The following RNF130 variants were observed in gnomAD, a reference collection of about 807,000 sequenced individuals.
RNF130 encodes the protein ring finger protein 130.
A neutral mutation model predicts 44.6 loss-of-function variants in RNF130; 21 were observed. The ratio of observed to expected loss-of-function variants is 0.47; its 90% CI spans 0.33 to 0.68. The LOEUF (loss-of-function observed/expected upper bound fraction) is 0.68, where lower values mean the gene tolerates loss of function less well. Ranked by LOEUF, RNF130 falls within the 30% of genes least tolerant of loss-of-function variation. RNF130 has a pLI of 0.02. For missense variants in RNF130, 479 were observed against 560.6 expected (o/e 0.85, Z 1.47); for synonymous variants, 214 against 210.4 (o/e 1.02, Z -0.15).
chr5:179,968,855 C>T (rs978583024), intron 6 of RNF130, among the ~76,000 whole-genome samples: 6 of 152,082 alleles, frequency 3.9e-5, no homozygotes, highest in Non-Finnish European at 5.9e-5. Flanking sequence ...TGCTGCTGAA[C>T]GGTCTACGAT....
chr5:179,950,320 T>C (rs1458198292), downstream of RNF130, among the ~76,000 whole-genome samples: 2 of 152,132 alleles, frequency 1.3e-5, no homozygotes, highest in Non-Finnish European at 2.9e-5. Flanking sequence ...TTTTGCCATG[T>C]TGGTCAGGCT....
chr5:180,001,809 C>T (rs191729772), intron 3 of RNF130, among the ~76,000 whole-genome samples: 9 of 152,272 alleles, frequency 5.9e-5, no homozygotes, highest in East Asian at 1.9e-4. Context: ...TTCCACTCTC[C>T]AAGAGGAAGG....
intron 1 of RNF130, among the ~76,000 whole-genome samples, chr5:180,057,300 G>C (rs1301228592): frequency 6.6e-6 from 1 of 152,248 alleles, no homozygotes; most frequent in Non-Finnish European, 1.5e-5. Flanking sequence ...TGTAATCCCA[G>C]CACTTTGGGA....
intron 3 of RNF130, among the ~76,000 whole-genome samples, chr5:179,994,005 T>C (rs1380760666): frequency 1.3e-5 from 2 of 152,228 alleles, no homozygotes; most frequent in South Asian, 2.1e-4. Flanking sequence ...TTTCTTGTTT[T>C]TGTCAGCTTT....
rs114887232 is a variant in RNF130 at position 180,036,038 on chromosome 5, T to C, written c.442+4415A>G. Among the ~76,000 whole-genome samples, 938 of 152,370 alleles carry C rather than the reference T, an allele frequency of 6.2e-3. 11 individuals carry two copies. The highest frequency in any genetic ancestry group is 0.021 in the African/African-American group (890 of 41,590). The stretch of plus-strand genomic sequence containing the variant: ...TGGGAACACTTATAGACAGTTTCTA[T>C]AGACTTTTGTTTTCCTGAATATGAG... On this transcript the variant is annotated intron_variant, in intron 2 of 8. Coordinates refer to ENST00000521389, the MANE Select transcript of RNF130 (RefSeq NM_018434.6).
chr5:180,040,996 C>A (rs1272892100), intron 1 of RNF130, among the ~76,000 whole-genome samples: 1 of 152,158 alleles, frequency 6.6e-6, no homozygotes. Context: ...ACTGATGTAA[C>A]CCTGACACCC....
Position 180,040,666 on chromosome 5 carries a change from A to T in RNF130, c.248-19T>A. Reference sequence around the variant, plus strand: ...TCAGCAACTGAAAAGAAAAAGAAATACACACATTAAAGATAAATAAAACTG... The same window carrying T: ...TCAGCAACTGAAAAGAAAAAGAAATTCACACATTAAAGATAAATAAAACTG... On this transcript the variant is annotated intron_variant, in intron 1 of 8. Transcript: ENST00000521389. 1 of 1,604,536 alleles carries T rather than the reference A, an allele frequency of 6.2e-7. No homozygotes were observed. Among genetic ancestry groups the T allele is most frequent in the Non-Finnish European group, 8.5e-7 (1 of 1,174,498 alleles).
intron 7 of RNF130, among the ~76,000 whole-genome samples, chr5:179,928,135 C>G (rs533981334): frequency 1.7e-4 from 26 of 152,288 alleles, no homozygotes; most frequent in African/African-American, 6.0e-4. Flanking sequence ...CTCTCTGAAT[C>G]TTGCTGTTAG....
At chr5:180,057,541 C>CA (rs1221907635) in intron 1 of RNF130, among the ~76,000 whole-genome samples, 2 of 151,460 alleles carry the variant, frequency 1.3e-5, no homozygotes, top group African/African-American at 2.4e-5. Flanking sequence ...GAGCGAAACT[C>CA]AGTCTCAAAA....
At chr5:180,009,493 A>C (rs1235334584) in intron 3 of RNF130, among the ~76,000 whole-genome samples, 1 of 152,254 alleles carries the variant, frequency 6.6e-6, no homozygotes, top group African/African-American at 2.4e-5. Flanking sequence ...CACATAAAAA[A>C]TGTCTAATTA....
At chr5:180,053,798 CAG>C (rs1764740493) in intron 1 of RNF130, among the ~76,000 whole-genome samples, 1 of 150,606 alleles carries the variant, frequency 6.6e-6, no homozygotes, top group African/African-American at 2.4e-5. Flanking sequence ...ACAATGAGTG[CAG>C]AGACTGTAAA....
At chr5:180,053,825 CTTTTTTTT>C (rs56130424) in intron 1 of RNF130, among the ~76,000 whole-genome samples, 2 of 133,186 alleles carry the variant, frequency 1.5e-5, no homozygotes, top group Non-Finnish European at 3.3e-5. Context: ...CAAATACATT[CTTTTTTTT>C]TTTTTTTTTA....
intron 3 of RNF130, among the ~76,000 whole-genome samples, chr5:179,996,321 A>T (rs1763195688): frequency 6.6e-6 from 1 of 152,210 alleles, no homozygotes; most frequent in African/African-American, 2.4e-5. Context: ...CTGCAACTTT[A>T]CTTATCAGTC....
intron 1 of RNF130, among the ~76,000 whole-genome samples, chr5:180,064,083 A>G (rs1765044576): frequency 6.6e-6 from 1 of 152,204 alleles, no homozygotes; most frequent in African/African-American, 2.4e-5. Flanking sequence ...GAGCTAGGCA[A>G]CGTAGGACCT....
chr5:179,969,193 C>T (rs903841009), intron 6 of RNF130, among the ~76,000 whole-genome samples: 1 of 152,122 alleles, frequency 6.6e-6, no homozygotes, highest in African/African-American at 2.4e-5. Flanking sequence ...GCTATACATG[C>T]TTCTCTTAAG....
At chr5:180,034,939 T>C (rs1764213003) in intron 2 of RNF130, among the ~76,000 whole-genome samples, 1 of 152,248 alleles carries the variant, frequency 6.6e-6, no homozygotes, top group Non-Finnish European at 1.5e-5. Context: ...TAAACTGTCT[T>C]CTTTTTTATT....
exon 8 of RNF130, chr5:179,918,264 A>G (rs1761581176): frequency 6.6e-6 from 1 of 152,348 alleles, no homozygotes; most frequent in African/African-American, 2.4e-5. Context: ...CAGAAATTCA[A>G]ATGTTATATT....
intron 3 of RNF130, among the ~76,000 whole-genome samples, chr5:180,009,969 C>T (rs559358993): frequency 6.6e-5 from 10 of 152,158 alleles, no homozygotes; most frequent in East Asian, 3.9e-4. Context: ...GTATCTTGGC[C>T]GGGCGCAGTG....
chr5:179,969,669 C>A (rs1712972134), intron 6 of RNF130, among the ~76,000 whole-genome samples: 1 of 151,152 alleles, frequency 6.6e-6, no homozygotes, highest in South Asian at 2.1e-4. Context: ...GGAGTTGAGA[C>A]CCGCCTGAAC....
Sources: allele counts gnomAD v4.1 joint callset (sites outside exome capture counted in the v4.1 genomes callset), GRCh38; gene constraint gnomAD v4.1.1; transcripts MANE v1.5; gene names NCBI Gene and HGNC (gene_info 2026-07-23, HGNC 2026-07-21).